Variants in BNC2 observed in about 807,000 individuals in gnomAD.
BNC2 encodes basonuclin zinc finger protein 2, also known as zinc finger protein basonuclin-2.
Under a neutral mutation model 76.3 loss-of-function variants are expected in BNC2, and 20 were observed. The observed-to-expected ratio is 0.26, with a 90% CI of 0.18 to 0.38. The LOEUF (loss-of-function observed/expected upper bound fraction) is 0.38. BNC2 is among the 10% of genes least tolerant of loss of function. The pLI, the probability that BNC2 is intolerant of heterozygous loss-of-function variation, is 1.00. For synonymous variants in BNC2, 582 were observed against 514.8 expected, an observed-to-expected ratio of 1.13 and a Z score of -1.77; for missense variants, 1,382 against 1,399.8, an observed-to-expected ratio of 0.99 and a Z score of 0.20.
intron 5 of BNC2, among the ~76,000 whole-genome samples, chr9:16,526,709 A>G (rs527304053): frequency 7.8e-4 from 119 of 152,200 alleles, no homozygotes; most frequent in African/African-American, 2.7e-3. Context: ...CCCCATTGAT[A>G]TGACCATGAT....
chr9:16,597,316 C>T lies in BNC2; in HGVS notation c.331-14231G>A, dbSNP rs1048920966. On this transcript the variant is annotated intron_variant, in intron 3 of 6. Transcript: ENST00000380672. ...CCTATAATTTTGTCCCTGTTGGGCACGCTGCCTAAATTTAAACACAAACAG... is the reference window on the plus strand; with the variant it reads ...CCTATAATTTTGTCCCTGTTGGGCATGCTGCCTAAATTTAAACACAAACAG... 3.9e-5 allele frequency among the ~76,000 whole-genome samples: 6 copies of T among 152,176 alleles called. No individual in the cohort carries two copies. In the South Asian group the frequency reaches 8.3e-4, roughly 21 times the overall value.
chr9:16,509,605 G>A (rs908282340), intron 5 of BNC2, among the ~76,000 whole-genome samples: 4 of 152,188 alleles, frequency 2.6e-5, no homozygotes, highest in Admixed American at 2.0e-4. Context: ...CTGAGAGTAA[G>A]TCAAAGTTAC....
At chr9:16,620,014 C>CCTT (rs1395725863) in intron 3 of BNC2, among the ~76,000 whole-genome samples, 16 of 152,166 alleles carry the variant, frequency 1.1e-4, no homozygotes, top group African/African-American at 3.4e-4. Context: ...CCACGTATGG[C>CCTT]CTTCTTCCCG....
At chr9:16,474,461 T>C (rs2131412880) in intron 5 of BNC2, among the ~76,000 whole-genome samples, 1 of 152,274 alleles carries the variant, frequency 6.6e-6, no homozygotes, top group Non-Finnish European at 1.5e-5. Flanking sequence ...TTTTTCTTTC[T>C]TTTGTTTTGT....
chr9:16,440,474 G>A (rs1821103951), intron 5 of BNC2, among the ~76,000 whole-genome samples: 1 of 152,146 alleles, frequency 6.6e-6, no homozygotes, highest in Admixed American at 6.5e-5. Flanking sequence ...CTCAGGCTGA[G>A]CCTCAATCTG....
intron 1 of BNC2, among the ~76,000 whole-genome samples, chr9:16,783,193 C>T (rs1272837810): frequency 1.3e-5 from 2 of 152,196 alleles, no homozygotes; most frequent in African/African-American, 4.8e-5. Flanking sequence ...GATTATACCA[C>T]ATTTCCTGAA....
chr9:16,559,231 G>A (rs1316003584), intron 4 of BNC2, among the ~76,000 whole-genome samples: 3 of 152,128 alleles, frequency 2.0e-5, no homozygotes, highest in South Asian at 2.1e-4. Context: ...CTTTGAATGC[G>A]GCCCAATACA....
chr9:16,419,874 T>C (rs896131635), intron 6 of BNC2, among the ~76,000 whole-genome samples: 2 of 152,126 alleles, frequency 1.3e-5, no homozygotes, highest in African/African-American at 4.8e-5. Flanking sequence ...TAACATTATT[T>C]TTATAAGAGA....
intron 3 of BNC2, among the ~76,000 whole-genome samples, chr9:16,712,366 T>A (rs1386716861): frequency 6.6e-6 from 1 of 152,216 alleles, no homozygotes; most frequent in Non-Finnish European, 1.5e-5. Flanking sequence ...AAAATGCTAT[T>A]TCCACATTTT....
At chr9:16,684,436 T>C (rs559498423) in intron 3 of BNC2, among the ~76,000 whole-genome samples, 20 of 152,182 alleles carry the variant, frequency 1.3e-4, no homozygotes, top group African/African-American at 4.8e-4. Flanking sequence ...CAGGTGGTCT[T>C]CCCTGGGCCA....
chr9:16,844,779 G>A (rs529160419), intron 1 of BNC2, among the ~76,000 whole-genome samples: 8 of 152,188 alleles, frequency 5.3e-5, no homozygotes, highest in East Asian at 1.9e-4. Flanking sequence ...ACAGGCATGC[G>A]CCACCGCACC....
intron 3 of BNC2, among the ~76,000 whole-genome samples, chr9:16,718,446 C>T (rs778448801): frequency 2.6e-5 from 4 of 152,056 alleles, no homozygotes; most frequent in African/African-American, 4.8e-5. Context: ...CCATTCAGTC[C>T]CATGATTACT....
intron 5 of BNC2, among the ~76,000 whole-genome samples, chr9:16,455,902 C>A (rs750762663): frequency 2.0e-5 from 3 of 152,086 alleles, no homozygotes; most frequent in Non-Finnish European, 4.4e-5. Context: ...ATTTCCAAAT[C>A]TGTAGCTATA....
chr9:16,713,358 G>A (rs551949621), intron 3 of BNC2, among the ~76,000 whole-genome samples: 69 of 151,982 alleles, frequency 4.5e-4, no homozygotes, highest in Admixed American at 1.2e-3. Context: ...ACTCAAGGGG[G>A]CAGAAACAAC....
At chr9:16,793,611 T>C (rs1399363499) in intron 1 of BNC2, among the ~76,000 whole-genome samples, 1 of 149,704 alleles carries the variant, frequency 6.7e-6, no homozygotes, top group Non-Finnish European at 1.5e-5. Flanking sequence ...CAATTCTAGA[T>C]TTCGATCCCA....
chr9:16,852,466 C>A (rs932312296), intron 1 of BNC2, among the ~76,000 whole-genome samples: 1 of 152,132 alleles, frequency 6.6e-6, no homozygotes, highest in African/African-American at 2.4e-5. Context: ...TTCATATTCA[C>A]AAGGACAATC....
At chr9:16,592,790 T>C (rs1332958556) in intron 3 of BNC2, among the ~76,000 whole-genome samples, 3 of 152,246 alleles carry the variant, frequency 2.0e-5, no homozygotes, top group South Asian at 2.1e-4. Context: ...CCAGGAGACA[T>C]AATGCAGCAC....
intron 1 of BNC2, among the ~76,000 whole-genome samples, chr9:16,751,111 T>C (rs981819723): frequency 2.0e-4 from 31 of 152,114 alleles, no homozygotes; most frequent in Non-Finnish European, 3.5e-4. Context: ...TCCAAATTGG[T>C]ATCATTTAAA....
chr9:16,661,982 T>C (rs1430406328), intron 3 of BNC2, among the ~76,000 whole-genome samples: 1 of 152,212 alleles, frequency 6.6e-6, no homozygotes, highest in Non-Finnish European at 1.5e-5. Context: ...ACACTAACAA[T>C]TGTCTTTAAA....
Sources: gnomAD v4.1 joint callset for allele counts (sites outside exome capture counted in the v4.1 genomes callset) on GRCh38, gnomAD v4.1.1 for gene constraint, MANE v1.5 for transcripts, NCBI Gene and HGNC (gene_info 2026-07-23, HGNC 2026-07-21) for gene names.